The following EYS variants were observed in gnomAD, a reference collection of about 807,000 sequenced individuals.
EYS encodes the protein EGF-like photoreceptor maintenance factor.
A neutral mutation model predicts 282.1 loss-of-function variants in EYS; 250 were observed. That is an observed-to-expected ratio of 0.89 (90% confidence interval 0.80 to 0.98). The LOEUF (loss-of-function observed/expected upper bound fraction) is 0.98. Ranked by LOEUF, EYS falls within the 50% of genes least tolerant of loss-of-function variation. The pLI, the probability that EYS is intolerant of heterozygous loss-of-function variation, is 0.00. For synonymous variants in EYS, 1,355 were observed against 1,282.9 expected, an observed-to-expected ratio of 1.06 and a Z score of -1.20; for missense variants, 4,016 against 3,709.0, an observed-to-expected ratio of 1.08 and a Z score of -2.15.
intron 5 of EYS, among the ~76,000 whole-genome samples, chr6:65,449,337 G>T (rs1764316070): frequency 6.6e-6 from 1 of 152,054 alleles, no homozygotes; most frequent in Non-Finnish European, 1.5e-5. Context: ...GACAGGTGAA[G>T]AACTTTCTAA....
Position 65,575,960 on chromosome 6 carries a change from T to C in EYS, c.-333+63818A>G, listed in dbSNP as rs140146839. On this transcript the variant is annotated intron_variant, in intron 2 of 42. Transcript: ENST00000503581. Reference sequence around the variant, plus strand: ...TAAATCAGTAATGAATATTCTTCCATCAAAGAAAAGTCCAAGACTTGATGG... The same window carrying C: ...TAAATCAGTAATGAATATTCTTCCACCAAAGAAAAGTCCAAGACTTGATGG... 1.5e-3 allele frequency among the ~76,000 whole-genome samples: 232 copies of C among 152,142 alleles called. 1 individual carries two copies. The highest frequency in any genetic ancestry group is 4.8e-3 in the African/African-American group (200 of 41,550).
At position 63,721,432 on chromosome 6, in the gene EYS, CT is replaced by C. The variant is rs1050742628; in HGVS notation, c.8598del (p.Gly2867ValfsTer5). On this transcript the variant is annotated frameshift_variant, in exon 43 of 43. Transcript: ENST00000503581. LOFTEE classifies it low-confidence loss of function (END_TRUNC). ...QELQLTEFGA[K>X]GGSNVGDCDG... ...TCACAGTCACCTACATTTGAGCCACCTTTTGCTCCAAATTCAGTTAATTGTA... is the reference window on the plus strand; with the variant it reads ...TCACAGTCACCTACATTTGAGCCACCTTTGCTCCAAATTCAGTTAATTGTA... The C allele has an allele frequency of 6.4e-6, 10 of 1,551,558 alleles. No individual in the cohort carries two copies. The highest frequency in any genetic ancestry group is 8.7e-6 in the Non-Finnish European group (10 of 1,146,954).
chr6:63,724,881 C>T (rs1045349243), intron 42 of EYS, among the ~76,000 whole-genome samples: 17 of 151,906 alleles, frequency 1.1e-4, no homozygotes, highest in African/African-American at 4.1e-4. Context: ...CTAATAGGTC[C>T]TCTTAGCAGA....
chr6:64,872,277 A>G (rs1342940282), intron 19 of EYS, among the ~76,000 whole-genome samples: 1 of 152,086 alleles, frequency 6.6e-6, no homozygotes, highest in African/African-American at 2.4e-5. Context: ...TAAGGGTATC[A>G]TGTAATGATC....
At chr6:64,320,334 T>G (rs2150383819) in intron 29 of EYS, among the ~76,000 whole-genome samples, 1 of 152,006 alleles carries the variant, frequency 6.6e-6, no homozygotes, top group African/African-American at 2.4e-5. Context: ...TTTATCTGTT[T>G]AGGTCATTGA....
chr6:63,935,907 TCAAA>T (rs1765043922), intron 35 of EYS, among the ~76,000 whole-genome samples: 2 of 152,178 alleles, frequency 1.3e-5, no homozygotes, highest in Non-Finnish European at 2.9e-5. Context: ...TTTTTTATGG[TCAAA>T]CAGCCAGGGT....
chr6:64,657,745 C>T (rs901079475), intron 22 of EYS, among the ~76,000 whole-genome samples: 3 of 152,172 alleles, frequency 2.0e-5, no homozygotes, highest in Non-Finnish European at 4.4e-5. Flanking sequence ...GATGGGCTTC[C>T]CCTTGTAGGT....
chr6:63,984,542 G>C lies in EYS; in HGVS notation c.6896C>G (p.Ala2299Gly). 1 of 1,549,642 alleles carries C rather than the reference G, an allele frequency of 6.5e-7. No individual in the cohort carries two copies. The highest frequency in any genetic ancestry group is 8.7e-7 in the Non-Finnish European group (1 of 1,145,578). The change falls in exon 35 of 43, where the codon GCA becomes GGA. Residue 2299 changes from alanine to glycine, a missense_variant. By Grantham distance (60) the Ala-to-Gly change is moderately conservative. Coordinates refer to ENST00000503581, the MANE Select transcript of EYS (RefSeq NM_001142800.2). ...GCCCCTGAACCCATAAACAGGACCT[G>C]CTTTCTTATGAATTTGAACATTTGC... ...IPANVQIHKK[A>G]GPVYGFRGCI...
At chr6:64,499,253 T>G (rs1776971434) in intron 26 of EYS, among the ~76,000 whole-genome samples, 1 of 152,204 alleles carries the variant, frequency 6.6e-6, no homozygotes, top group African/African-American at 2.4e-5. Context: ...CTAACTTTAT[T>G]TCCCAAAACT....
chr6:65,047,550 T>C (rs1773139815), intron 13 of EYS, among the ~76,000 whole-genome samples: 1 of 151,960 alleles, frequency 6.6e-6, no homozygotes, highest in South Asian at 2.1e-4. Context: ...ACATTTAATG[T>C]TATCACCAGA....
At chr6:64,999,342 CATGTT>C (rs1385213098) in intron 13 of EYS, among the ~76,000 whole-genome samples, 1 of 152,216 alleles carries the variant, frequency 6.6e-6, no homozygotes, top group African/African-American at 2.4e-5. Context: ...ACAGGAAAGA[CATGTT>C]ATACACATAG....
In EYS at chr6:63,958,333, C is replaced by A. The variant is rs544092310; in HGVS notation, c.7055+26050G>T. Among the ~76,000 whole-genome samples, 2 of 138,698 alleles carry A rather than the reference C, an allele frequency of 1.4e-5. 1 individual carries two copies. The highest frequency in any genetic ancestry group is 1.6e-4 in the Admixed American group (2 of 12,762). 91.0% of individuals were successfully genotyped at this position (138,698 alleles called of 152,430 possible). ...ATATAAATACAGATTATGAAATAAA[C>A]TATAGAGGAAGAAAATCTGGCAATG... On this transcript the variant is annotated intron_variant, in intron 35 of 42. Transcript: ENST00000503581.
intron 22 of EYS, among the ~76,000 whole-genome samples, chr6:64,707,252 C>T (rs929695400): frequency 3.3e-5 from 5 of 151,970 alleles, no homozygotes; most frequent in Admixed American, 3.3e-4. Flanking sequence ...GAATGGAAAA[C>T]CAAACATTGT....
At chr6:64,329,480 TA>T (rs1770559676) in intron 29 of EYS, among the ~76,000 whole-genome samples, 1 of 151,934 alleles carries the variant, frequency 6.6e-6, no homozygotes, top group East Asian at 1.9e-4. Context: ...GCAAAATTTG[TA>T]AAGATGCATT....
chr6:63,831,730 C>T (rs988317830), intron 36 of EYS, among the ~76,000 whole-genome samples: 4 of 152,202 alleles, frequency 2.6e-5, no homozygotes, highest in Non-Finnish European at 4.4e-5. Context: ...TAGGCATCTA[C>T]AGAACTCTCC....
At chr6:64,478,598 T>G (rs1353274105) in intron 26 of EYS, among the ~76,000 whole-genome samples, 1 of 151,162 alleles carries the variant, frequency 6.6e-6, no homozygotes, top group East Asian at 1.9e-4. Flanking sequence ...AAAATATTAA[T>G]AATACTAATA....
intron 35 of EYS, among the ~76,000 whole-genome samples, chr6:63,980,816 A>C (rs1477566569): frequency 6.6e-6 from 1 of 151,874 alleles, no homozygotes; most frequent in East Asian, 1.9e-4. Flanking sequence ...AAAGGATGAG[A>C]AGGACTGGAA....
intron 2 of EYS, among the ~76,000 whole-genome samples, chr6:65,511,634 A>G (rs780452593): frequency 2.7e-4 from 41 of 152,022 alleles, no homozygotes; most frequent in Admixed American, 5.3e-4. Flanking sequence ...CAATTTATGG[A>G]TTAGCAAAAT....
At chr6:65,191,927 A>T (rs949932235) in intron 12 of EYS, among the ~76,000 whole-genome samples, 4 of 151,122 alleles carry the variant, frequency 2.6e-5, no homozygotes, top group Non-Finnish European at 5.9e-5. Context: ...ACTTAAGGGT[A>T]ATGCATTGTA....
Sources: allele counts gnomAD v4.1 joint callset (sites outside exome capture counted in the v4.1 genomes callset), GRCh38; gene constraint gnomAD v4.1.1; transcripts MANE v1.5; gene names NCBI Gene and HGNC (gene_info 2026-07-23, HGNC 2026-07-21).